Variants in WWOX observed in about 807,000 individuals in gnomAD.
WWOX encodes WW domain containing oxidoreductase, also known as WW domain-containing oxidoreductase.
Under a neutral mutation model 46.2 loss-of-function variants are expected in WWOX, and 69 were observed. That is an observed-to-expected ratio of 1.49 (90% confidence interval 1.23 to 1.82). The LOEUF (loss-of-function observed/expected upper bound fraction) is 1.82. Among genes scored for constraint, WWOX ranks in the 40% most tolerant of loss-of-function variants. WWOX has a pLI of 0.00. For synonymous variants in WWOX, 359 were observed against 202.6 expected (o/e 1.77, Z -6.56); for missense variants, 919 against 542.6 (o/e 1.69, Z -6.89).
intron 8 of WWOX, among the ~76,000 whole-genome samples, chr16:78,706,949 C>G (rs897873524): frequency 2.0e-5 from 3 of 152,176 alleles, no homozygotes; most frequent in Non-Finnish European, 4.4e-5. Context: ...AGGCATCAGC[C>G]GTCATGCCTG....
At chr16:78,897,086 A>AT (rs1277240444) in intron 8 of WWOX, 1 of 150,750 alleles carries the variant, frequency 6.6e-6, no homozygotes, top group Non-Finnish European at 1.5e-5. Context: ...AAAAAAGAAA[A>AT]AAAAAAAGAA....
In WWOX at chr16:78,459,240, C is replaced by G. The variant is rs574365189; in HGVS notation, c.1056+26488C>G. 2.0e-5 allele frequency among the ~76,000 whole-genome samples: 3 copies of G among 152,296 alleles called. No individual in the cohort carries two copies. The South Asian group carries it at 6.2e-4, about 32-fold the overall frequency. On this transcript the variant is annotated intron_variant, in intron 8 of 8. Transcript: ENST00000566780. ...AAACCCAGAAAGGTTGAAAGACTGTCGTAAGTTCACACTGAAAGAGAGTGG... is the reference window on the plus strand; with the variant it reads ...AAACCCAGAAAGGTTGAAAGACTGTGGTAAGTTCACACTGAAAGAGAGTGG...
chr16:78,837,458 C>G (rs1419644604), intron 8 of WWOX, among the ~76,000 whole-genome samples: 1 of 152,148 alleles, frequency 6.6e-6, no homozygotes, highest in Non-Finnish European at 1.5e-5. Flanking sequence ...CAAAAATGGA[C>G]AAATATGGAT....
intron 8 of WWOX, among the ~76,000 whole-genome samples, chr16:78,778,571 T>G (rs1484559174): frequency 6.6e-6 from 1 of 152,094 alleles, no homozygotes; most frequent in Admixed American, 6.6e-5. Flanking sequence ...AGCGACGCAA[T>G]AGAAATTCAA....
At chr16:79,014,282 C>A (rs532158383) in intron 8 of WWOX, among the ~76,000 whole-genome samples, 2 of 152,200 alleles carry the variant, frequency 1.3e-5, no homozygotes, top group African/African-American at 4.8e-5. Flanking sequence ...CCATGCCCAC[C>A]CGGTGATTTA....
intron 5 of WWOX, among the ~76,000 whole-genome samples, chr16:78,356,458 A>C (rs1445563451): frequency 6.6e-6 from 1 of 152,096 alleles, no homozygotes; most frequent in Non-Finnish European, 1.5e-5. Flanking sequence ...GCAGGAAGGA[A>C]GGAGATATGA....
At chr16:79,021,896 A>G (rs1409956492) in intron 8 of WWOX, among the ~76,000 whole-genome samples, 9 of 152,238 alleles carry the variant, frequency 5.9e-5, no homozygotes, top group Admixed American at 5.2e-4. Context: ...TGGAGCCAGG[A>G]TGAGCTGGGA....
Position 78,661,539 on chromosome 16 carries a change from G to A in WWOX, c.1056+228787G>A, listed in dbSNP as rs117592608. On this transcript the variant is annotated intron_variant, in intron 8 of 8. Coordinates refer to ENST00000566780, the MANE Select transcript of WWOX (RefSeq NM_016373.4). ...ACATTTATGATTTAGCTTTCACCGC[G>A]GCATCTTCTTGTAAGGTGTTTCTTA... Among the ~76,000 whole-genome samples the A allele has an allele frequency of 1.4e-3, 216 of 151,964 alleles. 2 individuals carry two copies. The highest frequency in any genetic ancestry group is 3.4e-3 in the Middle Eastern group (1 of 294).
chr16:78,361,213 G>A (rs574094648), intron 5 of WWOX, among the ~76,000 whole-genome samples: 27 of 152,224 alleles, frequency 1.8e-4, no homozygotes, highest in African/African-American at 6.3e-4. Flanking sequence ...ATCATTAGCT[G>A]AGTGTAAGCA....
At chr16:78,827,814 C>T (rs1438207849) in intron 8 of WWOX, among the ~76,000 whole-genome samples, 1 of 152,124 alleles carries the variant, frequency 6.6e-6, no homozygotes, top group Non-Finnish European at 1.5e-5. Context: ...GCACTCTAGC[C>T]TGGGCGGCAA....
At chr16:78,835,659 G>T (rs1245067144) in intron 8 of WWOX, among the ~76,000 whole-genome samples, 1 of 152,184 alleles carries the variant, frequency 6.6e-6, no homozygotes, top group African/African-American at 2.4e-5. Flanking sequence ...GACGTGACTT[G>T]CCTAAGAACA....
Position 78,129,644 on chromosome 16 carries a change from G to A in WWOX, c.409+14490G>A, listed in dbSNP as rs887341161. On this transcript the variant is annotated intron_variant, in intron 4 of 8. Coordinates refer to ENST00000566780, the MANE Select transcript of WWOX (RefSeq NM_016373.4). Reference sequence around the variant, plus strand: ...AGAACTGGTTGGTGGCCTGGAGCCTGGATCTGGCCTCCAGATGTTTTTTGT... The same window carrying A: ...AGAACTGGTTGGTGGCCTGGAGCCTAGATCTGGCCTCCAGATGTTTTTTGT... Among the ~76,000 whole-genome samples, 10 of 152,040 alleles carry A rather than the reference G, an allele frequency of 6.6e-5. No individual in the cohort carries two copies. In the East Asian group the frequency reaches 1.4e-3, roughly 21 times the overall value.
intron 8 of WWOX, among the ~76,000 whole-genome samples, chr16:78,671,505 A>G (rs1162612688): frequency 6.6e-6 from 1 of 152,158 alleles, no homozygotes; most frequent in African/African-American, 2.4e-5. Context: ...CAGTATAGAT[A>G]ACTTGTGATG....
chr16:78,774,020 G>C (rs549778257), intron 8 of WWOX, among the ~76,000 whole-genome samples: 1 of 152,246 alleles, frequency 6.6e-6, no homozygotes, highest in South Asian at 2.1e-4. Flanking sequence ...TGCATATGTT[G>C]GTGTCCACAC....
At position 78,345,063 on chromosome 16, in the gene WWOX, T is replaced by C. The variant is rs1003231206; in HGVS notation, c.517-41797T>C. On this transcript the variant is annotated intron_variant, in intron 5 of 8. Coordinates refer to ENST00000566780, the MANE Select transcript of WWOX (RefSeq NM_016373.4). ...AGTATTGTGCGTCATGGACCTAAAG[T>C]ACCTAGGAGATTGTCCTGGATGTCG... Among the ~76,000 whole-genome samples the C allele has an allele frequency of 1.8e-4, 21 of 119,288 alleles. 8 individuals carry two copies. Among genetic ancestry groups the C allele is most frequent in the African/African-American group, 6.0e-4 (21 of 35,102 alleles). The allele number at this position is 119,288 out of a possible 152,430, so 78.3% of individuals were successfully genotyped here.
chr16:78,676,000 G>A (rs2047589162), intron 8 of WWOX, among the ~76,000 whole-genome samples: 1 of 152,046 alleles, frequency 6.6e-6, no homozygotes, highest in Admixed American at 6.6e-5. Context: ...GAAAGGGAAA[G>A]CATATGATCT....
intron 8 of WWOX, among the ~76,000 whole-genome samples, chr16:78,826,699 C>T (rs1215586242): frequency 1.3e-5 from 2 of 152,154 alleles, no homozygotes; most frequent in East Asian, 1.9e-4. Context: ...AATAAGCTTG[C>T]CTTCACAAGT....
At chr16:78,991,294 A>T (rs1018701430) in intron 8 of WWOX, among the ~76,000 whole-genome samples, 1 of 152,136 alleles carries the variant, frequency 6.6e-6, no homozygotes, top group South Asian at 2.1e-4. Context: ...TTTGGAGTCC[A>T]TGTTAAATCC....
intron 8 of WWOX, among the ~76,000 whole-genome samples, chr16:78,556,626 C>T (rs941136175): frequency 1.3e-5 from 2 of 152,146 alleles, no homozygotes; most frequent in Non-Finnish European, 2.9e-5. Context: ...GTGTTTAGGA[C>T]AGAGTTCAAC....
Sources: allele counts gnomAD v4.1 joint callset (sites outside exome capture counted in the v4.1 genomes callset), GRCh38; gene constraint gnomAD v4.1.1; transcripts MANE v1.5; gene names NCBI Gene and HGNC (gene_info 2026-07-23, HGNC 2026-07-21).